Variants in IL1RAPL1 observed in about 807,000 individuals in gnomAD.
IL1RAPL1 encodes the protein interleukin 1 receptor accessory protein like 1.
IL1RAPL1 carries 3 observed loss-of-function variants against 48.4 expected under a neutral mutation model. The observed-to-expected ratio is 0.06, with a 90% CI of 0.03 to 0.16. The LOEUF is 0.16. Among genes scored for constraint, IL1RAPL1 ranks in the 10% least tolerant of loss-of-function variants. The pLI, the probability that IL1RAPL1 is intolerant of heterozygous loss-of-function variation, is 1.00. For synonymous variants in IL1RAPL1, 185 were observed against 187.7 expected, an observed-to-expected ratio of 0.99 and a Z score of 0.12; for missense variants, 349 against 530.6, an observed-to-expected ratio of 0.66 and a Z score of 3.36.
chrX:29,191,151 C>G (rs1445629037), intron 2 of IL1RAPL1, among the ~76,000 whole-genome samples: 2 of 111,662 alleles, frequency 1.8e-5, no homozygotes, highest in Non-Finnish European at 3.8e-5. Flanking sequence ...TGTGTTTGCA[C>G]TGATCAAACA....
At chrX:29,393,537 C>T (rs1010618183) in intron 3 of IL1RAPL1, among the ~76,000 whole-genome samples, 1 of 111,711 alleles carries the variant, frequency 9.0e-6, no homozygotes, top group Non-Finnish European at 1.9e-5. Flanking sequence ...CTCTCTCTCT[C>T]TCTCTCTGTA....
At chrX:28,795,730 A>G (rs1462408663) in intron 2 of IL1RAPL1, among the ~76,000 whole-genome samples, 1 of 110,952 alleles carries the variant, frequency 9.0e-6, no homozygotes, top group Non-Finnish European at 1.9e-5. Context: ...ATAATATTCA[A>G]AGTATCATAA....
Position 29,568,894 on chromosome X carries a change from C to G in IL1RAPL1, c.704-99536C>G, listed in dbSNP as rs766044770. 6.3e-5 allele frequency among the ~76,000 whole-genome samples: 7 copies of G among 110,779 alleles called. No homozygotes were observed. In the South Asian group the frequency reaches 2.7e-3, roughly 42 times the overall value. ...ATCTGAAGCAGAGTATTTATCCAGC[C>G]CAGTGTCACTTGATTAAAATAGAGA... On this transcript the variant is annotated intron_variant, in intron 5 of 10. Transcript: ENST00000378993.
At chrX:28,861,811 T>C (rs1260039910) in intron 2 of IL1RAPL1, among the ~76,000 whole-genome samples, 2 of 111,561 alleles carry the variant, frequency 1.8e-5, no homozygotes, top group Non-Finnish European at 3.8e-5. Context: ...CCAAACTTTG[T>C]TTACTAAAGT....
intron 2 of IL1RAPL1, among the ~76,000 whole-genome samples, chrX:29,058,762 T>C (rs1927279994): frequency 8.9e-6 from 1 of 111,801 alleles, no homozygotes; most frequent in Non-Finnish European, 1.9e-5. Context: ...GCAGCTTCTC[T>C]TCCACAGCAG....
intron 2 of IL1RAPL1, among the ~76,000 whole-genome samples, chrX:29,179,522 A>G (rs1389456408): frequency 3.6e-5 from 4 of 111,415 alleles, no homozygotes; most frequent in African/African-American, 1.3e-4. Flanking sequence ...TAGTATGGCA[A>G]AAAAAGAAAA....
chrX:29,085,768 G>T (rs1451437672), intron 2 of IL1RAPL1, among the ~76,000 whole-genome samples: 1 of 111,728 alleles, frequency 9.0e-6, no homozygotes, highest in Non-Finnish European at 1.9e-5. Context: ...CTACAGCCCA[G>T]CTAAACATGG....
chrX:29,481,566 T>C (rs186431930), intron 5 of IL1RAPL1, among the ~76,000 whole-genome samples: 3 of 112,081 alleles, frequency 2.7e-5, no homozygotes, highest in African/African-American at 6.5e-5. Context: ...CACAGCCTGC[T>C]TCAAAAGAGA....
intron 6 of IL1RAPL1, among the ~76,000 whole-genome samples, chrX:29,747,756 A>C (rs758716964): frequency 8.9e-6 from 1 of 112,836 alleles, no homozygotes; most frequent in Non-Finnish European, 1.9e-5. Context: ...ATAGCAAATT[A>C]AATTAATTCA....
chrX:28,716,651 G>T (rs1434680696), intron 1 of IL1RAPL1, among the ~76,000 whole-genome samples: 1 of 111,724 alleles, frequency 9.0e-6, no homozygotes, highest in Admixed American at 9.6e-5. Flanking sequence ...AAAAGCAATT[G>T]CAACTAAAGC....
intron 2 of IL1RAPL1, among the ~76,000 whole-genome samples, chrX:29,076,843 A>G (rs1339423591): frequency 1.6e-5 from 1 of 62,059 alleles, no homozygotes; most frequent in African/African-American, 6.1e-5. Flanking sequence ...TAAACAATGA[A>G]GTGATAGATT....
chrX:29,370,602 A>G (rs760521643), intron 3 of IL1RAPL1, among the ~76,000 whole-genome samples: 119 of 110,462 alleles, frequency 1.1e-3, no homozygotes, highest in African/African-American at 3.4e-3. Flanking sequence ...TTGATTGCCC[A>G]CAACCAGTGC....
chrX:28,692,016 A>G (rs1262236978), intron 1 of IL1RAPL1, among the ~76,000 whole-genome samples: 1 of 111,516 alleles, frequency 9.0e-6, no homozygotes, highest in African/African-American at 3.3e-5. Flanking sequence ...CTGAAGGTGA[A>G]GAAGAGCTGG....
chrX:29,706,661 A>G lies in IL1RAPL1; in HGVS notation c.778+38157A>G, dbSNP rs190613577. On this transcript the variant is annotated intron_variant, in intron 6 of 10. Transcript: ENST00000378993. ...TGGGCCAAATACTTAGAGCCAACTG[A>G]TTGTTTGACAAACCCAACAAAAATA... is the stretch of plus-strand genomic sequence containing the variant. Among the ~76,000 whole-genome samples the G allele has an allele frequency of 1.8e-3, 198 of 111,978 alleles. 1 individual carries two copies. The highest frequency in any genetic ancestry group is 5.7e-3 in the African/African-American group (177 of 30,852).
chrX:29,506,423 T>TCTC (rs1361252066), intron 5 of IL1RAPL1, among the ~76,000 whole-genome samples: 8 of 79,631 alleles, frequency 1.0e-4, no homozygotes, highest in Non-Finnish European at 1.7e-4. Flanking sequence ...CTCTTCTTCT[T>TCTC]CTTCTCCTTC....
chrX:29,788,319 C>T (rs1449474283), intron 6 of IL1RAPL1, among the ~76,000 whole-genome samples: 1 of 111,296 alleles, frequency 9.0e-6, no homozygotes, highest in Non-Finnish European at 1.9e-5. Context: ...AGTAAGGAAA[C>T]ACAGACAACA....
At chrX:28,729,622 A>T (rs897355142) in intron 1 of IL1RAPL1, among the ~76,000 whole-genome samples, 1 of 111,033 alleles carries the variant, frequency 9.0e-6, no homozygotes, top group East Asian at 2.8e-4. Flanking sequence ...CCAATTAAAT[A>T]TGTTATAGAA....
chrX:29,145,750 C>T (rs1016165734), intron 2 of IL1RAPL1, among the ~76,000 whole-genome samples: 1 of 111,938 alleles, frequency 8.9e-6, no homozygotes, highest in Non-Finnish European at 1.9e-5. Flanking sequence ...TTAATTGCAT[C>T]GTCATTCTTC....
intron 2 of IL1RAPL1, among the ~76,000 whole-genome samples, chrX:29,076,651 C>G (rs745924622): frequency 1.8e-5 from 2 of 111,091 alleles, no homozygotes; most frequent in South Asian, 3.8e-4. Context: ...TTCATTCATT[C>G]AAAAACATTA....
Sources: allele counts gnomAD v4.1 joint callset (sites outside exome capture counted in the v4.1 genomes callset), GRCh38; gene constraint gnomAD v4.1.1; transcripts MANE v1.5; gene names NCBI Gene and HGNC (gene_info 2026-07-23, HGNC 2026-07-21).